The following LRRTM4 variants were observed in gnomAD, a reference collection of about 807,000 sequenced individuals.
LRRTM4 encodes leucine-rich repeat transmembrane neuronal protein 4.
Under a neutral mutation model 47.6 loss-of-function variants are expected in LRRTM4, and 25 were observed. The ratio of observed to expected loss-of-function variants is 0.53; its 90% CI spans 0.38 to 0.73. LRRTM4 has a LOEUF of 0.73. LRRTM4 is among the 30% of genes least tolerant of loss of function. LRRTM4 has a pLI of 0.00. For synonymous variants in LRRTM4, 311 were observed against 269.5 expected, an observed-to-expected ratio of 1.15 and a Z score of -1.51; for missense variants, 638 against 713.4, an observed-to-expected ratio of 0.89 and a Z score of 1.20.
intron 3 of LRRTM4, among the ~76,000 whole-genome samples, chr2:77,037,571 C>G (rs1678878931): frequency 6.6e-6 from 1 of 151,254 alleles, no homozygotes; most frequent in Non-Finnish European, 1.5e-5. Context: ...AAAGAAAAGC[C>G]TCACATTTCA....
intron 3 of LRRTM4, among the ~76,000 whole-genome samples, chr2:77,372,920 T>C (rs1672702502): frequency 6.7e-6 from 1 of 149,534 alleles, no homozygotes; most frequent in African/African-American, 2.4e-5. Context: ...ATTTACTTGC[T>C]CACAGAAACA....
At chr2:77,033,294 T>C (rs894008205) in intron 3 of LRRTM4, among the ~76,000 whole-genome samples, 1 of 151,760 alleles carries the variant, frequency 6.6e-6, no homozygotes, top group African/African-American at 2.4e-5. Flanking sequence ...TTTATATTTA[T>C]GAAGACATTT....
intron 3 of LRRTM4, among the ~76,000 whole-genome samples, chr2:76,875,611 A>G (rs537299406): frequency 6.6e-6 from 1 of 152,250 alleles, no homozygotes; most frequent in South Asian, 2.1e-4. Flanking sequence ...CATTTTGATG[A>G]CTGGCAAACA....
intron 3 of LRRTM4, among the ~76,000 whole-genome samples, chr2:77,166,769 C>T (rs1016229844): frequency 2.6e-5 from 4 of 152,128 alleles, no homozygotes; most frequent in Admixed American, 1.3e-4. Context: ...AAAGCTGAAA[C>T]TGGATCCCTT....
At chr2:77,434,597 C>A (rs1174402634) in intron 3 of LRRTM4, among the ~76,000 whole-genome samples, 1 of 152,022 alleles carries the variant, frequency 6.6e-6, no homozygotes, top group Non-Finnish European at 1.5e-5. Flanking sequence ...ATCTTAATAA[C>A]CATTGGTACA....
At chr2:77,155,370 T>A (rs1407192870) in intron 3 of LRRTM4, among the ~76,000 whole-genome samples, 2 of 151,880 alleles carry the variant, frequency 1.3e-5, no homozygotes, top group African/African-American at 2.4e-5. Flanking sequence ...TTATACCTAC[T>A]TACACTGAAA....
chr2:77,160,174 T>C (rs1672673676), intron 3 of LRRTM4, among the ~76,000 whole-genome samples: 1 of 151,436 alleles, frequency 6.6e-6, no homozygotes, highest in South Asian at 2.1e-4. Context: ...CCTGTGAAGT[T>C]CTGCACAACA....
At chr2:77,512,764 C>T (rs761129041) in intron 3 of LRRTM4, among the ~76,000 whole-genome samples, 7 of 152,066 alleles carry the variant, frequency 4.6e-5, no homozygotes, top group Admixed American at 6.6e-5. Flanking sequence ...ATTCTGGTAT[C>T]CTGTGGATAT....
intron 3 of LRRTM4, among the ~76,000 whole-genome samples, chr2:77,102,663 G>A (rs1670987672): frequency 6.6e-6 from 1 of 152,090 alleles, no homozygotes; most frequent in South Asian, 2.1e-4. Context: ...GATTTTAAGT[G>A]CAGGAAAAAG....
intron 3 of LRRTM4, among the ~76,000 whole-genome samples, chr2:77,181,118 A>G (rs1277237324): frequency 6.6e-6 from 1 of 152,218 alleles, no homozygotes; most frequent in Non-Finnish European, 1.5e-5. Flanking sequence ...AGGATGACAT[A>G]AACTAGACAA....
intron 3 of LRRTM4, among the ~76,000 whole-genome samples, chr2:77,475,803 CT>C (rs1677365152): frequency 6.6e-6 from 1 of 151,424 alleles, no homozygotes; most frequent in African/African-American, 2.4e-5. Flanking sequence ...ACTTCACATG[CT>C]TTTCATTTAT....
At chr2:77,296,665 C>T (rs1676982380) in intron 3 of LRRTM4, among the ~76,000 whole-genome samples, 1 of 152,106 alleles carries the variant, frequency 6.6e-6, no homozygotes, top group Non-Finnish European at 1.5e-5. Context: ...AAAATAACAA[C>T]ATCATCATTT....
At chr2:77,309,451 T>A (rs1481576855) in intron 3 of LRRTM4, among the ~76,000 whole-genome samples, 1 of 152,164 alleles carries the variant, frequency 6.6e-6, no homozygotes, top group Non-Finnish European at 1.5e-5. Context: ...AAAGAATGTC[T>A]TGTAATCAAT....
chr2:77,025,519 G>T (rs1291665851), intron 3 of LRRTM4, among the ~76,000 whole-genome samples: 1 of 152,068 alleles, frequency 6.6e-6, no homozygotes, highest in African/African-American at 2.4e-5. Flanking sequence ...TTCCTCTTCA[G>T]TCTTCTCTCT....
intron 3 of LRRTM4, among the ~76,000 whole-genome samples, chr2:77,427,881 T>C (rs972691656): frequency 6.6e-6 from 1 of 152,170 alleles, no homozygotes. Flanking sequence ...ATTTGCCAAC[T>C]TTCCCATTTA....
chr2:77,287,173 A>G (rs1676689135), intron 3 of LRRTM4, among the ~76,000 whole-genome samples: 1 of 151,996 alleles, frequency 6.6e-6, no homozygotes, highest in East Asian at 1.9e-4. Flanking sequence ...CGTGTAGGTT[A>G]CTGAGGAGAC....
chr2:76,955,198 T>G (rs898565315), intron 3 of LRRTM4, among the ~76,000 whole-genome samples: 1 of 151,876 alleles, frequency 6.6e-6, no homozygotes, highest in African/African-American at 2.4e-5. Context: ...AATTCTGTAA[T>G]GGTGATGTAT....
At chr2:77,429,503 A>G (rs1505232) in intron 3 of LRRTM4, among the ~76,000 whole-genome samples, 63,623 of 151,986 alleles carry the variant, frequency 0.42, 14,258 homozygotes, top group African/African-American at 0.59. Context: ...ATACACAATG[A>G]AATACTACTC....
chr2:77,261,805 A>G (rs1372165712), intron 3 of LRRTM4, among the ~76,000 whole-genome samples: 2 of 151,868 alleles, frequency 1.3e-5, no homozygotes, highest in African/African-American at 4.9e-5. Context: ...ATTTTTTAGT[A>G]CTTTCTGATT....
Sources: allele counts gnomAD v4.1 joint callset (sites outside exome capture counted in the v4.1 genomes callset), GRCh38; gene constraint gnomAD v4.1.1; transcripts MANE v1.5; gene names NCBI Gene and HGNC (gene_info 2026-07-23, HGNC 2026-07-21).